MGMT: variants seen among roughly 807,000 people sequenced by gnomAD.
MGMT encodes O-6-methylguanine-DNA methyltransferase.
MGMT carries 14 observed loss-of-function variants against 15.9 expected under a neutral mutation model. The observed-to-expected ratio is 0.88, with a 90% CI of 0.58 to 1.37. MGMT has a LOEUF of 1.37. Ranked by LOEUF, MGMT falls within the 40% of genes most tolerant of loss-of-function variation. MGMT has a pLI of 0.00. For synonymous variants in MGMT, 130 were observed against 118.2 expected (o/e 1.10, Z -0.65); for missense variants, 282 against 268.1 (o/e 1.05, Z -0.36).
intron 2 of MGMT, among the ~76,000 whole-genome samples, chr10:129,655,498 C>T (rs1276032705): frequency 6.6e-6 from 1 of 152,172 alleles, no homozygotes; most frequent in South Asian, 2.1e-4. Context: ...AAATCTTCCC[C>T]GTTGAGTTTT....
Position 129,514,794 on chromosome 10 carries a change from A to G in MGMT, c.-12-21447A>G, listed in dbSNP as rs549620977. ...CTGAATCTGCCGGCGCCTTGGTCTT[A>G]GACTTCCTGGCCTCCACAACTGTGA... On this transcript the variant is annotated intron_variant, in intron 1 of 4. Transcript: ENST00000651593. Among the ~76,000 whole-genome samples the G allele has an allele frequency of 1.7e-3, 263 of 152,336 alleles. 2 individuals are homozygous for G. The highest frequency in any genetic ancestry group is 6.8e-3 in the Middle Eastern group (2 of 294).
At position 129,768,211 on chromosome 10, in the gene MGMT, T is replaced by C. The variant is rs1848960938; in HGVS notation, c.*1214T>C. ...GGGACCCGCCTTCTATTTCATTTTA[T>C]CTTAACACCAACGAAAGAAAACCGA... On this transcript the variant is annotated 3_prime_UTR_variant, in exon 5 of 5. Transcript: ENST00000651593. 6.6e-6 allele frequency among the ~76,000 whole-genome samples: 1 copy of C among 152,218 alleles called. No homozygotes were observed. The highest frequency in any genetic ancestry group is 2.4e-5 in the African/African-American group (1 of 41,470).
chr10:129,477,591 G>T, intron 1 of MGMT, among the ~76,000 whole-genome samples: 1 of 152,174 alleles, frequency 6.6e-6, no homozygotes, highest in East Asian at 1.9e-4. Context: ...AGAAAGAGAG[G>T]ATCTCTCCCT....
chr10:129,572,355 G>A (rs1291552879), intron 2 of MGMT, among the ~76,000 whole-genome samples: 2 of 152,124 alleles, frequency 1.3e-5, no homozygotes, highest in South Asian at 2.1e-4. Context: ...ATACATTAAG[G>A]TTATTTTTCA....
chr10:129,542,680 G>T (rs1238016943), intron 2 of MGMT, among the ~76,000 whole-genome samples: 1 of 152,176 alleles, frequency 6.6e-6, no homozygotes, highest in East Asian at 1.9e-4. Context: ...GAGGTCTCTT[G>T]AGTCAAATAA....
chr10:129,608,582 A>G (rs1846921147), intron 2 of MGMT, among the ~76,000 whole-genome samples: 3 of 152,262 alleles, frequency 2.0e-5, no homozygotes, highest in African/African-American at 7.2e-5. Context: ...AGTTTTATTT[A>G]TATTAAAATA....
At chr10:129,642,940 A>T (rs899411844) in intron 2 of MGMT, among the ~76,000 whole-genome samples, 1 of 152,144 alleles carries the variant, frequency 6.6e-6, no homozygotes, top group African/African-American at 2.4e-5. Context: ...TCTTAAGAAA[A>T]AAAAAAGAAA....
At chr10:129,654,024 T>C (rs1847495110) in intron 2 of MGMT, among the ~76,000 whole-genome samples, 1 of 152,120 alleles carries the variant, frequency 6.6e-6, no homozygotes, top group Non-Finnish European at 1.5e-5. Context: ...GACTGCGGCC[T>C]GTGCTGGGCA....
chr10:129,619,163 G>A (rs548390), intron 2 of MGMT, among the ~76,000 whole-genome samples: 61,922 of 151,942 alleles, frequency 0.41, 13,762 homozygotes, highest in East Asian at 0.62. Flanking sequence ...GTTTTATTAC[G>A]GAAGGGTGTG....
chr10:129,548,842 AGCCTGGTCAGGCCAG>A (rs1846125317), intron 2 of MGMT, among the ~76,000 whole-genome samples: 1 of 152,164 alleles, frequency 6.6e-6, no homozygotes, highest in Admixed American at 6.5e-5. Flanking sequence ...GGAGGCAGAG[AGCCTGGTCAGGCCAG>A]GCTGGTCCTC....
chr10:129,642,006 C>G (rs1468947470), intron 2 of MGMT, among the ~76,000 whole-genome samples: 1 of 152,202 alleles, frequency 6.6e-6, no homozygotes, highest in African/African-American at 2.4e-5. Context: ...CTCCTAGGCT[C>G]TCTGCTCATA....
rs76392798 is a variant in MGMT at position 129,472,051 on chromosome 10, G to A, written c.-13+4755G>A. The stretch of plus-strand genomic sequence containing the variant: ...AACACACGCGAAGCACGGGCAACCC[G>A]TATCATATTTCACCCCTTCTTTCCT... On this transcript the variant is annotated intron_variant, in intron 1 of 4. Transcript: ENST00000651593. Among the ~76,000 whole-genome samples, 527 of 152,314 alleles carry A rather than the reference G, an allele frequency of 3.5e-3. 3 individuals are homozygous for A. The highest frequency in any genetic ancestry group is 0.012 in the African/African-American group (488 of 41,572).
chr10:129,499,702 G>A (rs557854302), intron 1 of MGMT, among the ~76,000 whole-genome samples: 1 of 152,180 alleles, frequency 6.6e-6, no homozygotes, highest in Non-Finnish European at 1.5e-5. Context: ...TAACATTAAG[G>A]GTGATACAGT....
intron 3 of MGMT, among the ~76,000 whole-genome samples, chr10:129,718,800 C>T (rs1004562442): frequency 1.9e-4 from 28 of 150,628 alleles, no homozygotes; most frequent in Middle Eastern, 3.6e-3. Context: ...AGCCAGTCCA[C>T]GTGCCTGCTC....
At chr10:129,600,264 G>A (rs566690123) in intron 2 of MGMT, among the ~76,000 whole-genome samples, 19 of 152,264 alleles carry the variant, frequency 1.2e-4, no homozygotes, top group African/African-American at 3.9e-4. Flanking sequence ...GAGTTAGTTC[G>A]TGGTTAGGGG....
At chr10:129,542,957 C>T (rs1271273428) in intron 2 of MGMT, among the ~76,000 whole-genome samples, 1 of 152,224 alleles carries the variant, frequency 6.6e-6, no homozygotes, top group Non-Finnish European at 1.5e-5. Flanking sequence ...GCATATACTT[C>T]ACCCCATGCT....
intron 1 of MGMT, among the ~76,000 whole-genome samples, chr10:129,487,980 TACAC>T (rs113664356): frequency 5.1e-5 from 7 of 136,204 alleles, no homozygotes; most frequent in Admixed American, 2.2e-4. Flanking sequence ...TACGCAGGTA[TACAC>T]ACACACACAC....
In MGMT at chr10:129,495,329, A is replaced by G. The variant is rs140394295; in HGVS notation, c.-13+28033A>G. On this transcript the variant is annotated intron_variant, in intron 1 of 4. Transcript: ENST00000651593. Reference sequence around the variant, plus strand: ...AAGAGTTTTCTTTGAATCTCAAAATATCTGCATTGTGAAACTGGGTTAAGT... The same window carrying G: ...AAGAGTTTTCTTTGAATCTCAAAATGTCTGCATTGTGAAACTGGGTTAAGT... Among the ~76,000 whole-genome samples the G allele has an allele frequency of 2.0e-4, 30 of 152,382 alleles. No individual in the cohort carries two copies. The East Asian group carries it at 5.0e-3, about 25-fold the overall frequency.
At chr10:129,705,928 A>G (rs1354759835) in intron 2 of MGMT, among the ~76,000 whole-genome samples, 6 of 152,264 alleles carry the variant, frequency 3.9e-5, no homozygotes, top group Non-Finnish European at 8.8e-5. Context: ...CCGGGCAGAC[A>G]GGCTGAATCC....
Sources: gnomAD v4.1 joint callset for allele counts (sites outside exome capture counted in the v4.1 genomes callset) on GRCh38, gnomAD v4.1.1 for gene constraint, MANE v1.5 for transcripts, NCBI Gene and HGNC (gene_info 2026-07-23, HGNC 2026-07-21) for gene names.